The following ATP8A1 variants were observed in gnomAD, a reference collection of about 807,000 sequenced individuals.
ATP8A1 encodes ATPase phospholipid transporting 8A1.
Under a neutral mutation model 177.7 loss-of-function variants are expected in ATP8A1, and 90 were observed. That is an observed-to-expected ratio of 0.51 (90% CI 0.43 to 0.60). The LOEUF (loss-of-function observed/expected upper bound fraction) is 0.60, where lower values mean the gene tolerates loss of function less well. ATP8A1 is among the 20% of genes least tolerant of loss of function. The pLI, the probability that ATP8A1 is intolerant of heterozygous loss-of-function variation, is 0.00. For missense variants in ATP8A1, 1,072 were observed against 1,392.8 expected (o/e 0.77, Z 3.67); for synonymous variants, 493 against 485.9 (o/e 1.01, Z -0.19).
At chr4:42,435,461 A>AAAAAAAAAAAAAAAAAAAAAAAAAC (rs1553871738) in intron 33 of ATP8A1, among the ~76,000 whole-genome samples, 1 of 122,346 alleles carries the variant, frequency 8.2e-6, no homozygotes, top group Non-Finnish European at 1.8e-5. Flanking sequence ...AAAAAAAAAA[A>AAAAAAAAAAAAAAAAAAAAAAAAAC]AACAAACTAT....
At chr4:42,590,405 T>C (rs755516793) in intron 7 of ATP8A1, among the ~76,000 whole-genome samples, 18 of 152,202 alleles carry the variant, frequency 1.2e-4, no homozygotes, top group Non-Finnish European at 2.5e-4. Context: ...AAGACATGTT[T>C]ATAATCTAAT....
chr4:42,465,577 C>T (rs1448295390), intron 25 of ATP8A1, among the ~76,000 whole-genome samples: 1 of 152,198 alleles, frequency 6.6e-6, no homozygotes, highest in Non-Finnish European at 1.5e-5. Flanking sequence ...AGTTCATGGG[C>T]TTCATTTTCT....
rs1054838445 is a variant in ATP8A1, at chr4:42,579,706, C to A, written c.1000+107G>T. Reference sequence around the variant, plus strand: ...AAGATCAAATGTCCAGCTATCTTGGCAACAAGGTCTTTTTAGAAACAATAC... The same window carrying A: ...AAGATCAAATGTCCAGCTATCTTGGAAACAAGGTCTTTTTAGAAACAATAC... On this transcript the variant is annotated intron_variant, in intron 11 of 36. Transcript: ENST00000381668. 4.9e-6 allele frequency: 5 copies of A among 1,020,904 alleles called. No homozygotes were observed. In the African/African-American group the frequency reaches 8.3e-5, roughly 17 times the overall value. The allele number at this position is 1,020,904 out of a possible 1,614,324, so 63.2% of individuals were successfully genotyped here.
chr4:42,497,383 G>A (rs1723389483), intron 24 of ATP8A1, among the ~76,000 whole-genome samples: 4 of 152,158 alleles, frequency 2.6e-5, no homozygotes, highest in Admixed American at 2.0e-4. Context: ...ATGCAAAGAG[G>A]GCACGAGGCA....
At chr4:42,491,995 T>A (rs1273547716) in intron 24 of ATP8A1, among the ~76,000 whole-genome samples, 4 of 152,180 alleles carry the variant, frequency 2.6e-5, no homozygotes, top group African/African-American at 9.7e-5. Context: ...TAGTCCGACA[T>A]GAAGCAGCTA....
chr4:42,620,688 T>C (rs1737383419), intron 4 of ATP8A1, among the ~76,000 whole-genome samples: 1 of 152,164 alleles, frequency 6.6e-6, no homozygotes, highest in Non-Finnish European at 1.5e-5. Context: ...CCTCCTCTTA[T>C]CTGTAAAATA....
intron 5 of ATP8A1, among the ~76,000 whole-genome samples, chr4:42,614,017 T>G (rs1736652584): frequency 6.6e-6 from 1 of 152,202 alleles, no homozygotes; most frequent in Non-Finnish European, 1.5e-5. Context: ...ATTTTTGAAT[T>G]GAGTTTTATA....
chr4:42,518,284 T>C (rs1725763805), intron 22 of ATP8A1, among the ~76,000 whole-genome samples: 1 of 152,258 alleles, frequency 6.6e-6, no homozygotes. Context: ...GTTGTGAATA[T>C]AATACTACCA....
At chr4:42,537,830 C>A (rs1728000746) in intron 20 of ATP8A1, among the ~76,000 whole-genome samples, 1 of 152,140 alleles carries the variant, frequency 6.6e-6, no homozygotes, top group Admixed American at 6.5e-5. Flanking sequence ...AAAATGACAT[C>A]CTGCTAAAAG....
chr4:42,656,864 T>A lies in ATP8A1; in HGVS notation c.10A>T (p.Met4Leu). 6.3e-7 allele frequency: 1 copy of A among 1,588,254 alleles called. No individual in the cohort carries two copies. The highest frequency in any genetic ancestry group is 8.6e-7 in the Non-Finnish European group (1 of 1,167,608). ...CGGATCTCCGACACGGTCCTCCGCA[T>A]GGTGGGCATCGCGGCGGCGGCTGCA... MPT[M>L]RRTVSEIRSR... is the part of the protein sequence containing the mutation. The change falls in exon 1 of 37, where the codon ATG becomes TTG. Residue 4 changes from methionine (M) to leucine (L), a missense_variant. Around this residue, in one of 5 missense-constraint regions of ATP8A1, gnomAD observed 344 missense variants for 393.5 expected, o/e 0.87. Coordinates refer to ENST00000381668, the MANE Select transcript of ATP8A1 (RefSeq NM_006095.2).
intron 7 of ATP8A1, among the ~76,000 whole-genome samples, chr4:42,589,929 T>C (rs1455637604): frequency 6.6e-6 from 1 of 152,142 alleles, no homozygotes; most frequent in East Asian, 1.9e-4. Context: ...GGCTAAGTTC[T>C]ATTTGAAGTT....
chr4:42,517,301 A>C (rs1010291330), intron 22 of ATP8A1, among the ~76,000 whole-genome samples: 2 of 152,118 alleles, frequency 1.3e-5, no homozygotes, highest in African/African-American at 2.4e-5. Flanking sequence ...CAAAAAAAAA[A>C]AAAAAAAACA....
At chr4:42,483,761 A>G (rs1721929296) in intron 25 of ATP8A1, among the ~76,000 whole-genome samples, 1 of 152,210 alleles carries the variant, frequency 6.6e-6, no homozygotes. Context: ...ATGCTTTAAG[A>G]ATGAGGCTCA....
intron 25 of ATP8A1, among the ~76,000 whole-genome samples, 184 bp from the exon 26 acceptor site, chr4:42,465,260 T>C (rs1337111349): frequency 1.3e-5 from 2 of 152,122 alleles, no homozygotes; most frequent in Non-Finnish European, 2.9e-5. Context: ...TTAAGGAAAA[T>C]TAAAATAAAT....
chr4:42,530,955 G>A (rs1229228870), intron 20 of ATP8A1, among the ~76,000 whole-genome samples: 1 of 152,178 alleles, frequency 6.6e-6, no homozygotes, highest in Admixed American at 6.5e-5. Flanking sequence ...GTTCCAGAGG[G>A]AGGAACACTG....
chr4:42,622,343 C>T (rs1053375181), intron 4 of ATP8A1, among the ~76,000 whole-genome samples: 2 of 151,960 alleles, frequency 1.3e-5, no homozygotes, highest in African/African-American at 4.8e-5. Context: ...GATTGCGCCA[C>T]TGCACTCCAG....
intron 25 of ATP8A1, among the ~76,000 whole-genome samples, chr4:42,480,325 G>A (rs1281027229): frequency 6.6e-6 from 1 of 152,134 alleles, no homozygotes; most frequent in Non-Finnish European, 1.5e-5. Flanking sequence ...ATTTTATGAA[G>A]TTATAAAGTG....
intron 22 of ATP8A1, among the ~76,000 whole-genome samples, chr4:42,512,140 A>T (rs561721744): frequency 6.6e-6 from 1 of 152,330 alleles, no homozygotes; most frequent in South Asian, 2.1e-4. Context: ...AGGTTGAGTA[A>T]ATTGTCTAAG....
intron 33 of ATP8A1, among the ~76,000 whole-genome samples, chr4:42,426,602 T>G (rs895812937): frequency 2.0e-5 from 3 of 152,256 alleles, no homozygotes; most frequent in Admixed American, 2.0e-4. Context: ...GTTTGTAAAG[T>G]GGCTGCATAA....
Sources: allele counts gnomAD v4.1 joint callset (sites outside exome capture counted in the v4.1 genomes callset), GRCh38; gene constraint gnomAD v4.1.1; regional missense constraint gnomAD v4.1.1; transcripts MANE v1.5; gene names NCBI Gene and HGNC (gene_info 2026-07-23, HGNC 2026-07-21).